RFC1: variants seen among roughly 807,000 people sequenced by gnomAD.
RFC1 encodes the protein A1 140 kDa subunit.
In RFC1, 37 loss-of-function variants were observed where a neutral mutation model predicts 137.4. The observed-to-expected ratio is 0.27, with a 90% CI of 0.21 to 0.35. The LOEUF (loss-of-function observed/expected upper bound fraction) is 0.35. Ranked by LOEUF, RFC1 falls within the 10% of genes least tolerant of loss-of-function variation. The probability of loss-of-function intolerance (pLI) is 1.00; values close to 1 mark genes in which losing one functional copy is unlikely to be tolerated. For missense variants in RFC1, 1,205 were observed against 1,358.5 expected (o/e 0.89, Z 1.78); for synonymous variants, 429 against 455.7 (o/e 0.94, Z 0.75).
chr4:39,342,209 C>T, intron 4 of RFC1, 136 bp downstream of exon 4: 1 of 1,019,630 alleles, frequency 9.8e-7, no homozygotes, highest in Non-Finnish European at 1.4e-6. Flanking sequence ...TCCCAGCCTT[C>T]CCTGACAAAT....
chr4:39,351,966 C>CA (rs570668838), intron 1 of RFC1, among the ~76,000 whole-genome samples: 3,282 of 57,412 alleles, frequency 0.057, 98 homozygotes, highest in African/African-American at 0.11. Context: ...GACTCCGTCT[C>CA]AAAAAAAAAA....
chr4:39,343,729 A>G (rs1309573763), intron 3 of RFC1, among the ~76,000 whole-genome samples: 1 of 152,212 alleles, frequency 6.6e-6, no homozygotes. Flanking sequence ...CACAGAGTAA[A>G]CACTTAAGTA....
intron 2 of RFC1, among the ~76,000 whole-genome samples, chr4:39,347,363 G>C (rs943889327): frequency 6.6e-6 from 1 of 152,194 alleles, no homozygotes; most frequent in Admixed American, 6.5e-5. Context: ...GACTGCCTTA[G>C]AGCTGGGATA....
intron 4 of RFC1, among the ~76,000 whole-genome samples, chr4:39,329,694 TTGTACCAC>T (rs1427104504): frequency 6.6e-6 from 1 of 152,092 alleles, no homozygotes; most frequent in Non-Finnish European, 1.5e-5. Flanking sequence ...TAAGCCTCGA[TTGTACCAC>T]TGCACTCCAA....
rs541287881 is a variant in RFC1, at chr4:39,305,440, C to T, written c.1996-512G>A. Among the ~76,000 whole-genome samples, 8 of 152,096 alleles carry T rather than the reference C, an allele frequency of 5.3e-5. No homozygotes were observed. In the East Asian group the frequency reaches 5.8e-4, roughly 11 times the overall value. ...TGGCCAACATGGTGAAACCCCATCT[C>T]GACTAAAAATACAAAAAATTAGCTG... On this transcript the variant is annotated intron_variant, in intron 14 of 24. Coordinates refer to ENST00000349703, the MANE Select transcript of RFC1 (RefSeq NM_002913.5).
At chr4:39,300,465 T>C (rs781455611) in intron 19 of RFC1, 51 bp from the exon 20 acceptor site, 1 of 1,337,390 alleles carries the variant, frequency 7.5e-7, no homozygotes, top group Non-Finnish European at 1.1e-6. Flanking sequence ...TTCAAAACGG[T>C]AACATCACCA....
At chr4:39,330,186 T>G (rs1740028420) in intron 4 of RFC1, among the ~76,000 whole-genome samples, 1 of 152,108 alleles carries the variant, frequency 6.6e-6, no homozygotes, top group South Asian at 2.1e-4. Flanking sequence ...CTATGAACAT[T>G]TGCTAAAGGC....
intron 21 of RFC1, among the ~76,000 whole-genome samples, chr4:39,296,913 T>G (rs1738044225): frequency 6.6e-6 from 1 of 151,670 alleles, no homozygotes; most frequent in Admixed American, 6.6e-5. Flanking sequence ...CTCCAGCACC[T>G]GTCGTTTCCT....
At chr4:39,292,700 G>C (rs1249488332) in intron 22 of RFC1, among the ~76,000 whole-genome samples, 2 of 151,332 alleles carry the variant, frequency 1.3e-5, no homozygotes, top group African/African-American at 2.4e-5. Flanking sequence ...GGTGTGCAGT[G>C]GTGCAGTCTT....
intron 4 of RFC1, among the ~76,000 whole-genome samples, chr4:39,335,016 T>A (rs1740284182): frequency 6.6e-6 from 1 of 152,214 alleles, no homozygotes; most frequent in South Asian, 2.1e-4. Flanking sequence ...ATTCTGGAAT[T>A]CATACTGCTG....
rs1739460379 is a variant in RFC1 at position 39,320,445 on chromosome 4, T to C, written c.1033A>G (p.Ile345Val). The C allele has an allele frequency of 6.3e-7, 1 of 1,583,426 alleles. No individual in the cohort carries two copies. Among genetic ancestry groups the C allele is most frequent in the Non-Finnish European group, 8.5e-7 (1 of 1,172,012 alleles). Reference protein sequence around the residue: ...PVASKRKENAIKLKGETKTPK... With the variant: ...PVASKRKENAVKLKGETKTPK... ...GTTTTTGTCTCTCCTTTCAATTTAA[T>C]GGCATTTTCTTTTCTTTTTGAGGCC... Residue 345 changes from isoleucine (I) to valine (V), a missense_variant, in exon 9 of 25, where the codon ATT (isoleucine) becomes GTT (valine). This residue lies in a region of RFC1 where 962 missense variants were observed against 1,035.3 expected (regional missense o/e 0.93). Coordinates refer to ENST00000349703, the MANE Select transcript of RFC1 (RefSeq NM_002913.5).
intron 21 of RFC1, among the ~76,000 whole-genome samples, chr4:39,299,123 C>T (rs1202400300): frequency 1.3e-5 from 2 of 152,358 alleles, no homozygotes; most frequent in East Asian, 1.9e-4. Flanking sequence ...ATAGCATGAG[C>T]GATCTGTGCC....
chr4:39,323,347 GTCTTGGGT>G lies in RFC1; in HGVS notation c.705_712del (p.Glu235AspfsTer23), dbSNP rs1163308186. 6.2e-7 allele frequency: 1 copy of G among 1,613,756 alleles called. No individual in the cohort carries two copies. Among genetic ancestry groups the G allele is most frequent in the African/African-American group, 1.3e-5 (1 of 74,902 alleles). ...AGCCCAACATTATGCCACCTTTTTG[GTCTTGGGT>G]TCTTCATCCAACATGGCTAATGTTC... On this transcript the variant is annotated frameshift_variant, in exon 7 of 25. Transcript: ENST00000349703. LOFTEE classifies it high-confidence loss of function.
chr4:39,298,141 T>C (rs1033956819), intron 21 of RFC1, among the ~76,000 whole-genome samples: 1 of 152,050 alleles, frequency 6.6e-6, no homozygotes, highest in Non-Finnish European at 1.5e-5. Context: ...AAACCCCGTC[T>C]CTACAACGAA....
intron 14 of RFC1, 25 bp downstream of exon 14, chr4:39,306,567 G>A (rs2066789): frequency 0.65 from 859,422 of 1,328,828 alleles, 283,556 homozygotes; most frequent in East Asian, 0.93. Context: ...TTATCTGTCC[G>A]ACCACACTGT....
At chr4:39,321,420 C>T in intron 7 of RFC1, 46 bp from the exon 8 acceptor site, 1 of 1,541,868 alleles carries the variant, frequency 6.5e-7, no homozygotes, top group South Asian at 1.2e-5. Flanking sequence ...AATAGAAAAA[C>T]TATTACCATA....
At chr4:39,304,279 C>T (rs1738520690) in intron 15 of RFC1, among the ~76,000 whole-genome samples, 1 of 152,172 alleles carries the variant, frequency 6.6e-6, no homozygotes, top group Non-Finnish European at 1.5e-5. Flanking sequence ...TGGGCATTTG[C>T]ACACTGTCTT....
chr4:39,292,050 T>C (rs1483448592), intron 22 of RFC1, 198 bp from the exon 23 acceptor site: 1 of 540,696 alleles, frequency 1.8e-6, no homozygotes, highest in Non-Finnish European at 3.3e-6. Flanking sequence ...TACACATCAA[T>C]GTGCCCAAAG....
chr4:39,302,759 C>A lies in RFC1; in HGVS notation c.2318G>T (p.Arg773Ile). The part of the protein sequence containing the change: ...VHYCFDLRFQ[R>I]PRVEQIKGAM... ...TACCTTAATCTGTTCAACCCGAGGT[C>A]TTTGAAAACGAAGATCAAAACAATA... is the stretch of plus-strand genomic sequence containing the variant. Residue 773 changes from arginine to isoleucine, a missense_variant, in exon 17 of 25, where the codon AGA (arginine) becomes ATA (isoleucine). Around this residue, in one of 3 missense-constraint regions of RFC1, gnomAD observed 962 missense variants for 1,035.3 expected, o/e 0.93. Coordinates refer to ENST00000349703, the MANE Select transcript of RFC1 (RefSeq NM_002913.5). 1 of 1,596,544 alleles carries A rather than the reference C, an allele frequency of 6.3e-7. No homozygotes were observed. Among genetic ancestry groups the A allele is most frequent in the Non-Finnish European group, 8.5e-7 (1 of 1,174,948 alleles).
Sources: gnomAD v4.1 joint callset for allele counts (sites outside exome capture counted in the v4.1 genomes callset) on GRCh38, gnomAD v4.1.1 for gene constraint, gnomAD v4.1.1 regional missense constraint, MANE v1.5 for transcripts, NCBI Gene and HGNC (gene_info 2026-07-23, HGNC 2026-07-21) for gene names.